CSMD3: variants seen among roughly 807,000 people sequenced by gnomAD.
The protein encoded by CSMD3 is CUB and Sushi multiple domains 3.
CSMD3 carries 177 observed loss-of-function variants against 435.2 expected under a neutral mutation model. The observed-to-expected ratio is 0.41, with a 90% CI of 0.36 to 0.46. CSMD3 has a LOEUF of 0.46. Among genes scored for constraint, CSMD3 ranks in the 20% least tolerant of loss-of-function variants. The probability of loss-of-function intolerance (pLI) is 0.34; values close to 1 mark genes in which losing one functional copy is unlikely to be tolerated. For synonymous variants in CSMD3, 1,656 were observed against 1,520.5 expected (o/e 1.09, Z -2.07); for missense variants, 4,265 against 4,504.6 (o/e 0.95, Z 1.52).
chr8:112,347,308 A>T (rs1259087264), intron 40 of CSMD3, among the ~76,000 whole-genome samples: 1 of 152,162 alleles, frequency 6.6e-6, no homozygotes, highest in Non-Finnish European at 1.5e-5. Context: ...GCACATTTTT[A>T]TCATTTTATT....
chr8:112,954,282 A>G (rs1340702931), intron 8 of CSMD3, among the ~76,000 whole-genome samples: 1 of 151,590 alleles, frequency 6.6e-6, no homozygotes, highest in Non-Finnish European at 1.5e-5. Flanking sequence ...CTTAAAAGTA[A>G]TATTTCTTAG....
intron 1 of CSMD3, among the ~76,000 whole-genome samples, chr8:113,409,150 C>A (rs929011815): frequency 7.7e-6 from 1 of 129,396 alleles, no homozygotes; most frequent in Admixed American, 1.0e-4. Flanking sequence ...GTGGTGGGAT[C>A]TCAGCTCACT....
At chr8:112,851,045 T>C (rs1587474931) in intron 11 of CSMD3, among the ~76,000 whole-genome samples, 1 of 152,350 alleles carries the variant, frequency 6.6e-6, no homozygotes, top group African/African-American at 2.4e-5. Flanking sequence ...ATTACTTTTG[T>C]TTTTAATATA....
chr8:112,816,536 T>C (rs2079380485), intron 12 of CSMD3, among the ~76,000 whole-genome samples: 1 of 152,076 alleles, frequency 6.6e-6, no homozygotes, highest in South Asian at 2.1e-4. Flanking sequence ...TCGGTATTTG[T>C]TGAAGTCAAA....
intron 5 of CSMD3, among the ~76,000 whole-genome samples, chr8:113,096,274 TA>T (rs1206525052): frequency 6.6e-6 from 1 of 152,122 alleles, no homozygotes; most frequent in Non-Finnish European, 1.5e-5. Context: ...GCCTTCCCAA[TA>T]TTAGTTAACT....
At chr8:112,896,104 A>T (rs2081943117) in intron 10 of CSMD3, among the ~76,000 whole-genome samples, 1 of 151,468 alleles carries the variant, frequency 6.6e-6, no homozygotes, top group Non-Finnish European at 1.5e-5. Flanking sequence ...TGGTGAAGTG[A>T]TGCTGAATAA....
In CSMD3 at chr8:112,224,696, G is replaced by C. The variant is rs1586439017; in HGVS notation, c.*75C>G. 1 of 1,454,444 alleles carries C rather than the reference G, an allele frequency of 6.9e-7. No individual in the cohort carries two copies. The highest frequency in any genetic ancestry group is 2.3e-5 in the East Asian group (1 of 44,174). The allele number at this position is 1,454,444 out of a possible 1,614,324, so 90.1% of individuals were successfully genotyped here. ...AGTCCTGAAAAGTGTGCTTTAATTT[G>C]TTTAGCAGTGAACTAAATGTGCACT... On this transcript the variant is annotated 3_prime_UTR_variant, in exon 71 of 71. Coordinates refer to ENST00000297405, the MANE Select transcript of CSMD3 (RefSeq NM_198123.2).
intron 35 of CSMD3, 115 bp from the exon 36 acceptor site, chr8:112,390,903 C>CT: frequency 1.0e-6 from 1 of 1,004,124 alleles, no homozygotes; most frequent in Non-Finnish European, 1.5e-6. Context: ...TCAAATCATA[C>CT]TTTTTTCAAA....
chr8:112,307,424 G>A (rs1386172189), intron 50 of CSMD3, among the ~76,000 whole-genome samples: 1 of 152,078 alleles, frequency 6.6e-6, no homozygotes, highest in African/African-American at 2.4e-5. Flanking sequence ...TGGGACTACA[G>A]GCACGCATCA....
At chr8:113,357,067 T>A (rs1017371395) in intron 1 of CSMD3, among the ~76,000 whole-genome samples, 1 of 152,152 alleles carries the variant, frequency 6.6e-6, no homozygotes, top group Non-Finnish European at 1.5e-5. Context: ...TATACATACA[T>A]ATATTTATGT....
intron 13 of CSMD3, among the ~76,000 whole-genome samples, chr8:112,772,209 T>C (rs1211486534): frequency 3.3e-5 from 5 of 152,046 alleles, no homozygotes; most frequent in Non-Finnish European, 7.4e-5. Flanking sequence ...ATTGTTACTG[T>C]GTCTGTGTAG....
chr8:112,235,771 G>T (rs185248134), intron 67 of CSMD3, among the ~76,000 whole-genome samples: 1 of 152,066 alleles, frequency 6.6e-6, no homozygotes, highest in Admixed American at 6.6e-5. Context: ...TCAATAGGAG[G>T]AAGATATAAA....
chr8:112,260,310 T>C (rs1057277236), intron 61 of CSMD3, among the ~76,000 whole-genome samples: 1 of 152,146 alleles, frequency 6.6e-6, no homozygotes, highest in Admixed American at 6.5e-5. Flanking sequence ...ACAATGTAGC[T>C]GCTTCCCTAA....
chr8:112,769,339 G>A (rs146563425), intron 13 of CSMD3, among the ~76,000 whole-genome samples: 2 of 151,970 alleles, frequency 1.3e-5, no homozygotes, highest in East Asian at 3.9e-4. Context: ...ATACAGGGAT[G>A]CTCCTATCTT....
intron 2 of CSMD3, among the ~76,000 whole-genome samples, chr8:113,294,838 C>A (rs1000717213): frequency 1.3e-5 from 2 of 152,082 alleles, no homozygotes; most frequent in African/African-American, 4.8e-5. Context: ...AAATGAGGAA[C>A]AGAATCATAA....
At chr8:112,953,253 C>T (rs1241929031) in intron 8 of CSMD3, among the ~76,000 whole-genome samples, 4 of 151,462 alleles carry the variant, frequency 2.6e-5, no homozygotes, top group African/African-American at 9.7e-5. Flanking sequence ...AGTTTTATTT[C>T]ATGATGACCT....
At chr8:112,908,091 G>A (rs1270523871) in intron 10 of CSMD3, among the ~76,000 whole-genome samples, 1 of 151,338 alleles carries the variant, frequency 6.6e-6, no homozygotes, top group African/African-American at 2.4e-5. Flanking sequence ...TCATCTATTT[G>A]TCTGACTACC....
Position 112,294,100 on chromosome 8 carries a change from A to G in CSMD3, c.8615-1390T>C, listed in dbSNP as rs559041665. Among the ~76,000 whole-genome samples, 265 of 152,072 alleles carry G rather than the reference A, an allele frequency of 1.7e-3. 1 individual carries two copies. Among genetic ancestry groups the G allele is most frequent in the African/African-American group, 6.2e-3 (258 of 41,508 alleles). On this transcript the variant is annotated intron_variant, in intron 54 of 70. Transcript: ENST00000297405. ...CAATCAATTTGCTTGGGGGGGGTGT[A>G]GGGGTGGAAAGTGATTTTCATTGTC...
At position 112,337,625 on chromosome 8, in the gene CSMD3, T is replaced by G; in HGVS notation, c.6759A>C (p.Gly2253=). Residue 2253 remains glycine, a synonymous_variant, in exon 43 of 71, where the codon GGA becomes GGC. Transcript: ENST00000297405. The part of the protein sequence containing the change: ...GQTISFECFP[G]YTLIGNSALT... The stretch of plus-strand genomic sequence containing the variant: ...GAGCTGAATTTCCAATTAATGTGTA[T>G]CCTGGGAAACATTCAAATGAAATGG... The G allele has an allele frequency of 6.2e-7, 1 of 1,613,352 alleles. No homozygotes were observed. Among genetic ancestry groups the G allele is most frequent in the South Asian group, 1.1e-5 (1 of 91,070 alleles).
Sources: gnomAD v4.1 joint callset for allele counts (sites outside exome capture counted in the v4.1 genomes callset) on GRCh38, gnomAD v4.1.1 for gene constraint, MANE v1.5 for transcripts, NCBI Gene and HGNC (gene_info 2026-07-23, HGNC 2026-07-21) for gene names.